Variants in GRM1 observed in about 807,000 individuals in gnomAD.
GRM1 encodes the protein metabotropic glutamate receptor 1.
A neutral mutation model predicts 90.9 loss-of-function variants in GRM1; 33 were observed. The observed-to-expected ratio is 0.36, with a 90% confidence interval of 0.28 to 0.49. The LOEUF (loss-of-function observed/expected upper bound fraction) is 0.49, where lower values mean the gene tolerates loss of function less well. GRM1 is among the 20% of genes least tolerant of loss of function. The pLI, the probability that GRM1 is intolerant of heterozygous loss-of-function variation, is 0.99. For synonymous variants in GRM1, 700 were observed against 613.2 expected, an observed-to-expected ratio of 1.14 and a Z score of -2.09; for missense variants, 1,190 against 1,534.3, an observed-to-expected ratio of 0.78 and a Z score of 3.75.
At chr6:146,227,204 T>C (rs1780272189) in intron 2 of GRM1, among the ~76,000 whole-genome samples, 1 of 151,776 alleles carries the variant, frequency 6.6e-6, no homozygotes, top group Admixed American at 6.6e-5. Flanking sequence ...ATGTAGTATA[T>C]AACGTGTGTG....
intron 2 of GRM1, among the ~76,000 whole-genome samples, chr6:146,160,240 ATATATCATCTTGTCACAT>A (rs1777674662): frequency 6.6e-6 from 1 of 152,204 alleles, no homozygotes; most frequent in Non-Finnish European, 1.5e-5. Flanking sequence ...GAATTTTATA[ATATATCATCTTGTCACAT>A]TTATGAGATA....
In GRM1 at chr6:146,402,778, G is replaced by A. The variant is rs538442117; in HGVS notation, c.2660+3079G>A. Among the ~76,000 whole-genome samples, 4 of 152,244 alleles carry A rather than the reference G, an allele frequency of 2.6e-5. No individual in the cohort carries two copies. The South Asian group carries it at 8.3e-4, about 32-fold the overall frequency. On this transcript the variant is annotated intron_variant, in intron 7 of 7. Transcript: ENST00000282753. ...AGATACGTGGTTGGAATGATGTTGC[G>A]TTGTCTGTTTTTAGCAAAGTTTACT...
intron 2 of GRM1, among the ~76,000 whole-genome samples, chr6:146,298,927 A>C (rs1783277853): frequency 6.6e-6 from 1 of 152,222 alleles, no homozygotes; most frequent in Non-Finnish European, 1.5e-5. Flanking sequence ...GCTGAAAAAC[A>C]AAAGTGTCTA....
intron 5 of GRM1, among the ~76,000 whole-genome samples, chr6:146,373,708 A>T (rs1306763908): frequency 1.3e-5 from 2 of 152,058 alleles, no homozygotes; most frequent in East Asian, 3.9e-4. Flanking sequence ...TTGTATGTTG[A>T]TTTTGTATCC....
intron 7 of GRM1, among the ~76,000 whole-genome samples, chr6:146,429,650 C>T (rs1778333107): frequency 6.6e-6 from 1 of 152,166 alleles, no homozygotes; most frequent in African/African-American, 2.4e-5. Flanking sequence ...CCTCCCCTTC[C>T]TTGACAGGCC....
At chr6:146,371,814 G>A (rs1368043824) in intron 5 of GRM1, among the ~76,000 whole-genome samples, 1 of 152,028 alleles carries the variant, frequency 6.6e-6, no homozygotes, top group Non-Finnish European at 1.5e-5. Flanking sequence ...TTTTATGGCT[G>A]TATAATACTC....
chr6:146,038,015 T>C (rs1420339918), intron 1 of GRM1, among the ~76,000 whole-genome samples: 1 of 152,026 alleles, frequency 6.6e-6, no homozygotes, highest in East Asian at 1.9e-4. Context: ...ATAAAAGTCC[T>C]TTCGCAGAGA....
At chr6:146,195,420 G>T (rs1007573550) in intron 2 of GRM1, among the ~76,000 whole-genome samples, 2 of 152,152 alleles carry the variant, frequency 1.3e-5, no homozygotes, top group African/African-American at 4.8e-5. Context: ...CAGGAGGAAG[G>T]CTCTACTGAT....
intron 2 of GRM1, among the ~76,000 whole-genome samples, chr6:146,185,411 AC>A (rs1778699088): frequency 6.6e-6 from 1 of 152,152 alleles, no homozygotes; most frequent in African/African-American, 2.4e-5. Flanking sequence ...CCTTGCACAG[AC>A]CCTGATTTGG....
intron 2 of GRM1, among the ~76,000 whole-genome samples, chr6:146,258,226 G>A (rs1430941174): frequency 6.6e-6 from 1 of 152,070 alleles, no homozygotes; most frequent in Non-Finnish European, 1.5e-5. Context: ...TTGAAAATGA[G>A]CTCCTAAGCA....
chr6:146,179,920 T>C (rs1428013297), intron 2 of GRM1, among the ~76,000 whole-genome samples: 3 of 152,066 alleles, frequency 2.0e-5, no homozygotes, highest in Non-Finnish European at 4.4e-5. Flanking sequence ...GGCAGGAGGA[T>C]TGCTTGAGTC....
At chr6:146,302,901 G>A (rs1174947318) in intron 2 of GRM1, among the ~76,000 whole-genome samples, 1 of 151,536 alleles carries the variant, frequency 6.6e-6, no homozygotes, top group Non-Finnish European at 1.5e-5. Context: ...AGGGAGGAAG[G>A]GAGGGAGGGA....
At chr6:146,350,340 T>G (rs754538304) in intron 3 of GRM1, among the ~76,000 whole-genome samples, 6 of 152,172 alleles carry the variant, frequency 3.9e-5, no homozygotes, top group Admixed American at 6.5e-5. Flanking sequence ...GTATTTATTC[T>G]GATATTTTTC....
At chr6:146,361,690 A>C (rs1775481174) in intron 5 of GRM1, among the ~76,000 whole-genome samples, 1 of 152,144 alleles carries the variant, frequency 6.6e-6, no homozygotes, top group Non-Finnish European at 1.5e-5. Context: ...AGACGAGGGA[A>C]TCTGAGACCC....
chr6:146,189,762 C>T (rs1778873175), intron 2 of GRM1, among the ~76,000 whole-genome samples: 1 of 152,176 alleles, frequency 6.6e-6, no homozygotes, highest in South Asian at 2.1e-4. Flanking sequence ...GCTCTCTCCA[C>T]TACGATTCTA....
At chr6:146,250,418 G>T (rs1004491327) in intron 2 of GRM1, among the ~76,000 whole-genome samples, 2 of 152,174 alleles carry the variant, frequency 1.3e-5, no homozygotes, top group African/African-American at 4.8e-5. Context: ...ATGATAGTGA[G>T]TGAGTTCTCA....
At chr6:146,322,300 G>A (rs935251515) in intron 3 of GRM1, among the ~76,000 whole-genome samples, 6 of 152,134 alleles carry the variant, frequency 3.9e-5, no homozygotes, top group African/African-American at 9.7e-5. Context: ...CCCACCAGAT[G>A]CCCGCTGGAG....
At chr6:146,208,337 GA>G (rs1264598201) in intron 2 of GRM1, among the ~76,000 whole-genome samples, 2 of 151,942 alleles carry the variant, frequency 1.3e-5, no homozygotes, top group African/African-American at 4.8e-5. Flanking sequence ...TGTTTCTATT[GA>G]AAAAAATGTA....
intron 3 of GRM1, among the ~76,000 whole-genome samples, chr6:146,318,336 T>G (rs968823413): frequency 3.9e-5 from 6 of 152,232 alleles, no homozygotes; most frequent in Non-Finnish European, 5.9e-5. Context: ...GAACTCGTCA[T>G]CCTTTTTTAT....
Sources: gnomAD v4.1 joint callset for allele counts (sites outside exome capture counted in the v4.1 genomes callset) on GRCh38, gnomAD v4.1.1 for gene constraint, MANE v1.5 for transcripts, NCBI Gene and HGNC (gene_info 2026-07-23, HGNC 2026-07-21) for gene names.